The following NRG1 variants were observed in gnomAD, a reference collection of about 807,000 sequenced individuals.
NRG1 encodes pro-neuregulin-1, membrane-bound isoform.
NRG1 carries 18 observed loss-of-function variants against 63.8 expected under a neutral mutation model. The observed-to-expected ratio is 0.28, with a 90% CI of 0.19 to 0.42. The LOEUF (loss-of-function observed/expected upper bound fraction) is 0.42. Among genes scored for constraint, NRG1 ranks in the 10% least tolerant of loss-of-function variants. NRG1 has a pLI of 1.00. For synonymous variants in NRG1, 302 were observed against 301.3 expected (o/e 1.00, Z -0.02); for missense variants, 762 against 814.7 (o/e 0.94, Z 0.79).
At chr8:31,721,420 A>G (rs1341711286) in intron 1 of NRG1, among the ~76,000 whole-genome samples, 1 of 152,140 alleles carries the variant, frequency 6.6e-6, no homozygotes, top group Non-Finnish European at 1.5e-5. Flanking sequence ...GCTCCCCCTT[A>G]TGCATACATT....
intron 1 of NRG1, among the ~76,000 whole-genome samples, chr8:32,280,866 T>C (rs1852718483): frequency 6.7e-6 from 1 of 148,696 alleles, no homozygotes; most frequent in African/African-American, 2.5e-5. Flanking sequence ...TTCATGCTAT[T>C]CTCCTGCCTC....
intron 1 of NRG1, among the ~76,000 whole-genome samples, chr8:32,147,335 A>G (rs1156812160): frequency 2.0e-5 from 3 of 152,234 alleles, no homozygotes; most frequent in Non-Finnish European, 4.4e-5. Flanking sequence ...GTTGAAAATT[A>G]TTTACAAATT....
chr8:32,433,400 G>A (rs1479439346), intron 1 of NRG1, among the ~76,000 whole-genome samples: 2 of 152,112 alleles, frequency 1.3e-5, no homozygotes, highest in African/African-American at 4.8e-5. Flanking sequence ...GCAGATCTGT[G>A]GAAACTATTA....
chr8:31,701,654 G>A (rs1015388025), intron 1 of NRG1, among the ~76,000 whole-genome samples: 8 of 152,092 alleles, frequency 5.3e-5, no homozygotes, highest in African/African-American at 1.9e-4. Context: ...TGGTCAAATA[G>A]ATTTGCTTCT....
chr8:31,766,896 C>T (rs1247757245), intron 1 of NRG1, among the ~76,000 whole-genome samples: 5 of 152,308 alleles, frequency 3.3e-5, no homozygotes, highest in Admixed American at 2.6e-4. Flanking sequence ...ATACTTAGCT[C>T]TCTTGGGCAA....
At chr8:32,427,640 ATCCTT>A (rs1299474651) in intron 1 of NRG1, among the ~76,000 whole-genome samples, 1 of 152,156 alleles carries the variant, frequency 6.6e-6, no homozygotes, top group Non-Finnish European at 1.5e-5. Flanking sequence ...CCTGTTTTCA[ATCCTT>A]TTGATTACCT....
chr8:32,129,381 A>T (rs1834511114), intron 1 of NRG1, among the ~76,000 whole-genome samples: 1 of 151,900 alleles, frequency 6.6e-6, no homozygotes, highest in Admixed American at 6.6e-5. Flanking sequence ...TTTGGTGGCG[A>T]TCAGTCCTTT....
At chr8:31,725,453 T>C (rs1813335832) in intron 1 of NRG1, among the ~76,000 whole-genome samples, 1 of 56,982 alleles carries the variant, frequency 1.8e-5, no homozygotes, top group Admixed American at 2.6e-4. Context: ...TAGAACTGAA[T>C]TGATACAGAT....
At chr8:32,108,984 A>G (rs1831643452) in intron 1 of NRG1, among the ~76,000 whole-genome samples, 1 of 152,204 alleles carries the variant, frequency 6.6e-6, no homozygotes, top group Non-Finnish European at 1.5e-5. Flanking sequence ...GCAAAAGACA[A>G]TAACGTCTGT....
At chr8:32,503,350 T>C (rs2129497330) in intron 1 of NRG1, among the ~76,000 whole-genome samples, 1 of 149,726 alleles carries the variant, frequency 6.7e-6, no homozygotes, top group South Asian at 2.1e-4. Context: ...CTTTAGTAAT[T>C]AGTATTTTGG....
intron 1 of NRG1, among the ~76,000 whole-genome samples, chr8:31,651,830 A>C (rs1299930994): frequency 6.6e-6 from 1 of 151,714 alleles, no homozygotes; most frequent in East Asian, 1.9e-4. Context: ...TGGTGGATTC[A>C]CCTACTGCAG....
At chr8:32,643,684 C>T (rs879048263) in intron 5 of NRG1, among the ~76,000 whole-genome samples, 1 of 152,088 alleles carries the variant, frequency 6.6e-6, no homozygotes, top group Non-Finnish European at 1.5e-5. Context: ...AAATCGCTTC[C>T]CAAGGAAAGT....
At chr8:31,886,759 T>C (rs1209827664) in intron 1 of NRG1, among the ~76,000 whole-genome samples, 1 of 152,028 alleles carries the variant, frequency 6.6e-6, no homozygotes, top group Non-Finnish European at 1.5e-5. Flanking sequence ...GAATGCATGC[T>C]CTAGATCATG....
intron 1 of NRG1, among the ~76,000 whole-genome samples, chr8:31,811,769 A>G (rs1409927030): frequency 6.6e-6 from 1 of 152,292 alleles, no homozygotes; most frequent in Non-Finnish European, 1.5e-5. Flanking sequence ...AAAGTTTATT[A>G]AGAGATTGTA....
chr8:32,378,645 T>A (rs532549945), intron 1 of NRG1, among the ~76,000 whole-genome samples: 86 of 152,202 alleles, frequency 5.7e-4, no homozygotes, highest in African/African-American at 1.9e-3. Context: ...ATACTTTAAG[T>A]TTTAGGGTAC....
intron 1 of NRG1, among the ~76,000 whole-genome samples, chr8:31,901,657 G>A (rs1017034187): frequency 7.2e-5 from 11 of 152,122 alleles, no homozygotes; most frequent in African/African-American, 2.2e-4. Context: ...ACGAATGAAC[G>A]TAAGAAAAAT....
chr8:32,029,132 A>G (rs1817894836), intron 1 of NRG1, among the ~76,000 whole-genome samples: 1 of 152,198 alleles, frequency 6.6e-6, no homozygotes. Context: ...GATTAAAGAA[A>G]ACAAAGTATT....
intron 1 of NRG1, among the ~76,000 whole-genome samples, chr8:31,854,767 CT>C (rs1469429718): frequency 1.4e-4 from 22 of 152,194 alleles, no homozygotes; most frequent in African/African-American, 3.1e-4. Flanking sequence ...AAATTTCCCT[CT>C]ACACACTGCT....
chr8:32,159,273 G>A (rs556705879), intron 1 of NRG1, among the ~76,000 whole-genome samples: 3 of 152,230 alleles, frequency 2.0e-5, no homozygotes, highest in East Asian at 1.9e-4. Context: ...GGTGGCTCAC[G>A]CCTGTAATCC....
Sources: gnomAD v4.1 joint callset for allele counts (sites outside exome capture counted in the v4.1 genomes callset) on GRCh38, gnomAD v4.1.1 for gene constraint, MANE v1.5 for transcripts, NCBI Gene and HGNC (gene_info 2026-07-23, HGNC 2026-07-21) for gene names.